The following STK10 variants were observed in gnomAD, a reference collection of about 807,000 sequenced individuals.
STK10 encodes serine/threonine-protein kinase 10.
In STK10, 78 loss-of-function variants were observed where a neutral mutation model predicts 113.8. The observed-to-expected ratio is 0.69, with a 90% CI of 0.57 to 0.83. The LOEUF is 0.83. STK10 is among the 40% of genes least tolerant of loss of function. STK10 has a pLI of 0.00. For missense variants in STK10, 1,109 were observed against 1,280.1 expected, an observed-to-expected ratio of 0.87 and a Z score of 2.04; for synonymous variants, 465 against 494.7, an observed-to-expected ratio of 0.94 and a Z score of 0.80.
At chr5:172,049,434 G>C (rs1294285252) in intron 18 of STK10, among the ~76,000 whole-genome samples, 1 of 152,128 alleles carries the variant, frequency 6.6e-6, no homozygotes, top group Non-Finnish European at 1.5e-5. Flanking sequence ...CTGGCAAGGG[G>C]AACAGGCTGG....
chr5:172,081,919 G>A (rs1251657504), intron 12 of STK10, among the ~76,000 whole-genome samples: 1 of 152,138 alleles, frequency 6.6e-6, no homozygotes, highest in African/African-American at 2.4e-5. Flanking sequence ...GGAGGAGGAG[G>A]CAGAGAGGGT....
chr5:172,183,964 G>T (rs911817992), intron 1 of STK10, among the ~76,000 whole-genome samples: 3 of 152,154 alleles, frequency 2.0e-5, no homozygotes, highest in Non-Finnish European at 2.9e-5. Flanking sequence ...GACTGCTCCT[G>T]TGAAGACTCC....
intron 10 of STK10, among the ~76,000 whole-genome samples, chr5:172,084,049 T>C (rs1412067089): frequency 2.0e-5 from 3 of 151,948 alleles, no homozygotes; most frequent in Admixed American, 1.3e-4. Flanking sequence ...TGGAATTCTA[T>C]ACAACCTTAA....
chr5:172,113,529 C>A (rs1769296159), intron 4 of STK10, among the ~76,000 whole-genome samples: 1 of 152,116 alleles, frequency 6.6e-6, no homozygotes, highest in Non-Finnish European at 1.5e-5. Context: ...TCTGAGGAAT[C>A]TTTAAGGATA....
intron 1 of STK10, among the ~76,000 whole-genome samples, chr5:172,182,842 G>A (rs553290568): frequency 3.9e-5 from 6 of 152,010 alleles, no homozygotes; most frequent in Admixed American, 1.3e-4. Context: ...GTGAGCCACC[G>A]CGCCCGGCCA....
rs975935020 is a variant in STK10, at chr5:172,128,578, G to A, written c.322-1157C>T. Among the ~76,000 whole-genome samples, 15 of 152,252 alleles carry A rather than the reference G, an allele frequency of 9.9e-5. No individual in the cohort carries two copies. In the East Asian group the frequency reaches 1.9e-3, roughly 20 times the overall value. On this transcript the variant is annotated intron_variant, in intron 2 of 18. Transcript: ENST00000176763. ...ACATCTGACCTCAGGTGATCCACCC[G>A]CCCTGGCCTCCCAAAGTGCTGGGAT...
At chr5:172,081,124 G>A (rs532288972) in intron 12 of STK10, among the ~76,000 whole-genome samples, 25 of 152,170 alleles carry the variant, frequency 1.6e-4, no homozygotes, top group African/African-American at 4.1e-4. Context: ...AGGCCTAGGC[G>A]GGCAGATCAT....
rs754082064 is a variant in STK10, at chr5:172,042,740, T to TA, written c.*2141dup. 6.6e-6 allele frequency: 1 copy of TA among 152,174 alleles called. No homozygotes were observed. Among genetic ancestry groups the TA allele is most frequent in the East Asian group, 1.9e-4 (1 of 5,186 alleles). 9.4% of individuals were successfully genotyped at this position (152,174 alleles called of 1,614,324 possible). A position where few individuals can be genotyped will look rare whatever the true frequency, so the allele number is the denominator to read the frequency against. The stretch of plus-strand genomic sequence containing the variant: ...TCGCTTGTCTCATTTGTGAGAGACC[T>TA]AAAAAACACCCCCATCTGGGTCAAA... On this transcript the variant is annotated 3_prime_UTR_variant, in exon 19 of 19. Coordinates refer to ENST00000176763, the MANE Select transcript of STK10 (RefSeq NM_005990.4).
chr5:172,120,935 C>T lies in STK10; in HGVS notation c.371-3305G>A, dbSNP rs1335437991. Among the ~76,000 whole-genome samples the T allele has an allele frequency of 6.6e-6, 1 of 152,002 alleles. No homozygotes were observed. The highest frequency in any genetic ancestry group is 1.5e-5 in the Non-Finnish European group (1 of 68,022). Reference sequence around the variant, plus strand: ...TGTGTCAGGCATGAGGATAAGGACACGGTGCATACTGTCATTTAATCCTCG... The same window carrying T: ...TGTGTCAGGCATGAGGATAAGGACATGGTGCATACTGTCATTTAATCCTCG... On this transcript the variant is annotated intron_variant, in intron 3 of 18. Transcript: ENST00000176763. The surrounding 1 kb of genome is among the most constrained non-coding windows in gnomAD (Gnocchi z 4.0).
At chr5:172,110,271 G>A (rs1769210030) in intron 4 of STK10, among the ~76,000 whole-genome samples, 1 of 152,198 alleles carries the variant, frequency 6.6e-6, no homozygotes, top group Non-Finnish European at 1.5e-5. Flanking sequence ...GACCTCGAGG[G>A]GACGGTCATG....
chr5:172,084,132 T>C (rs1768498390), intron 10 of STK10, among the ~76,000 whole-genome samples: 1 of 152,022 alleles, frequency 6.6e-6, no homozygotes, highest in Non-Finnish European at 1.5e-5. Flanking sequence ...CTGGGCACAG[T>C]GGCTCATACC....
chr5:172,114,821 G>A (rs1341109988), intron 4 of STK10: 1 of 151,950 alleles, frequency 6.6e-6, no homozygotes, highest in African/African-American at 2.4e-5. Flanking sequence ...GGAACCTAGA[G>A]ACGCGTGCCC....
intron 1 of STK10, among the ~76,000 whole-genome samples, chr5:172,165,875 C>G (rs1479900938): frequency 6.6e-6 from 1 of 151,936 alleles, no homozygotes. Flanking sequence ...CTCACTGCAA[C>G]CTCCACCTCC....
At chr5:172,107,296 G>A (rs1273529914) in intron 5 of STK10, among the ~76,000 whole-genome samples, 1 of 152,222 alleles carries the variant, frequency 6.6e-6, no homozygotes, top group South Asian at 2.1e-4. Context: ...ACAGAGAGTA[G>A]TCAGGCGTGA....
At chr5:172,108,598 AGAGT>A (rs2113767022) in intron 4 of STK10, among the ~76,000 whole-genome samples, 1 of 146,606 alleles carries the variant, frequency 6.8e-6, no homozygotes, top group South Asian at 2.2e-4. Flanking sequence ...CCCAGGCAAT[AGAGT>A]GAGACTGTCT....
intron 18 of STK10, among the ~76,000 whole-genome samples, chr5:172,052,193 G>C (rs1046247863): frequency 6.6e-6 from 1 of 152,188 alleles, no homozygotes; most frequent in East Asian, 1.9e-4. Context: ...GCACGAGGAG[G>C]TCTGAATGCA....
At chr5:172,086,011 C>T (rs959748438) in intron 10 of STK10, among the ~76,000 whole-genome samples, 3 of 152,202 alleles carry the variant, frequency 2.0e-5, no homozygotes, top group African/African-American at 7.2e-5. Context: ...GGGGTCGCAG[C>T]GCCCCTGTGT....
chr5:172,061,422 G>A, intron 13 of STK10, 154 bp from the exon 14 acceptor site: 1 of 1,071,080 alleles, frequency 9.3e-7, no homozygotes, highest in Non-Finnish European at 1.3e-6. Flanking sequence ...GAGACTTAGA[G>A]ACGCATCAAC....
chr5:172,162,748 T>A (rs1401002110), intron 1 of STK10, among the ~76,000 whole-genome samples: 3 of 152,030 alleles, frequency 2.0e-5, no homozygotes, highest in African/African-American at 4.8e-5. Context: ...CTTCAATCAC[T>A]CATCTTTCAG....
Sources: allele counts gnomAD v4.1 joint callset (sites outside exome capture counted in the v4.1 genomes callset), GRCh38; gene constraint gnomAD v4.1.1; non-coding constraint Gnocchi (gnomAD v3.1); transcripts MANE v1.5; gene names NCBI Gene and HGNC (gene_info 2026-07-23, HGNC 2026-07-21).